Variants in TTLL9 observed in about 807,000 individuals in gnomAD.
TTLL9 encodes the protein probable tubulin polyglutamylase TTLL9.
In TTLL9, 47 loss-of-function variants were observed where a neutral mutation model predicts 65.6. The observed-to-expected ratio is 0.72, with a 90% CI of 0.57 to 0.91. The LOEUF (loss-of-function observed/expected upper bound fraction) is 0.91. TTLL9 is among the 40% of genes least tolerant of loss of function. TTLL9 has a pLI of 0.00. For synonymous variants in TTLL9, 179 were observed against 204.8 expected, an observed-to-expected ratio of 0.87 and a Z score of 1.07; for missense variants, 537 against 568.8, an observed-to-expected ratio of 0.94 and a Z score of 0.57.
intron 10 of TTLL9, among the ~76,000 whole-genome samples, chr20:31,930,824 A>G (rs1353188060): frequency 1.3e-5 from 2 of 151,962 alleles, no homozygotes; most frequent in African/African-American, 4.8e-5. Flanking sequence ...CTGCTACTTG[A>G]CCATTGGTCC....
intron 4 of TTLL9, among the ~76,000 whole-genome samples, chr20:31,905,274 C>T (rs1367154821): frequency 6.6e-6 from 1 of 152,010 alleles, no homozygotes; most frequent in Admixed American, 6.5e-5. Context: ...GGGGTTTCAC[C>T]ATGTTGGCCA....
intron 8 of TTLL9, 46 bp from the exon 9 acceptor site, chr20:31,924,963 A>G: frequency 1.2e-6 from 2 of 1,609,216 alleles, no homozygotes; most frequent in Non-Finnish European, 1.7e-6. Context: ...ACAATGTCTG[A>G]CGATCAATAT....
intron 11 of TTLL9, chr20:31,934,355 A>C (rs1234316889): frequency 3.8e-6 from 2 of 529,542 alleles, no homozygotes; most frequent in Non-Finnish European, 7.3e-6. Flanking sequence ...GTGCATACAC[A>C]GCCCTGAAAA....
chr20:31,915,822 G>T (rs984515598), intron 6 of TTLL9, among the ~76,000 whole-genome samples: 6 of 151,970 alleles, frequency 3.9e-5, no homozygotes, highest in Admixed American at 3.3e-4. Flanking sequence ...GTAAACACCT[G>T]GTAAGTATTG....
intron 8 of TTLL9, among the ~76,000 whole-genome samples, chr20:31,924,577 G>T (rs2123576439): frequency 7.2e-6 from 1 of 139,662 alleles, no homozygotes. Context: ...TTTATACCTT[G>T]TGCGTTTTTT....
intron 2 of TTLL9, among the ~76,000 whole-genome samples, chr20:31,880,674 G>C (rs1316991876): frequency 6.6e-6 from 1 of 151,842 alleles, no homozygotes; most frequent in Non-Finnish European, 1.5e-5. Flanking sequence ...TGTATTTTTA[G>C]TAGAGACAGG....
intron 8 of TTLL9, 141 bp from the exon 9 acceptor site, chr20:31,924,868 C>T (rs530794459): frequency 6.5e-5 from 59 of 910,996 alleles, no homozygotes; most frequent in African/African-American, 2.3e-4. Context: ...TGAGGCACCG[C>T]GCCTAGCCCC....
At chr20:31,921,875 T>C (rs1208242818) in intron 7 of TTLL9, among the ~76,000 whole-genome samples, 2 of 151,982 alleles carry the variant, frequency 1.3e-5, no homozygotes, top group African/African-American at 2.4e-5. Flanking sequence ...CTAATGTAAA[T>C]GACGAGTTAA....
At chr20:31,871,389 G>A (rs1263818483) in intron 2 of TTLL9, among the ~76,000 whole-genome samples, 194 bp downstream of exon 2, 1 of 152,196 alleles carries the variant, frequency 6.6e-6, no homozygotes, top group Non-Finnish European at 1.5e-5. Context: ...GTGTTTCTGA[G>A]GATGTTGAGG....
chr20:31,917,540 A>G (rs6087798), intron 6 of TTLL9, among the ~76,000 whole-genome samples: 88,489 of 152,042 alleles, frequency 0.58, 26,064 homozygotes, highest in Admixed American at 0.61. Flanking sequence ...TAGGTCCCTA[A>G]GAGAGGAATT....
At chr20:31,925,974 C>T in intron 9 of TTLL9, 75 bp from the exon 10 acceptor site, 2 of 1,593,846 alleles carry the variant, frequency 1.3e-6, no homozygotes, top group Non-Finnish European at 1.7e-6. Context: ...TCCTGGGATC[C>T]TGGCTAACCA....
Position 31,886,649 on chromosome 20 carries a change from A to G in TTLL9, c.70-547A>G, listed in dbSNP as rs57371784. On this transcript the variant is annotated intron_variant, in intron 2 of 14. Transcript: ENST00000535842. ...AGCCTGGCCAACATGGCGAAACCCC[A>G]TCTCTATTAAAAATACAAAATTGGC... Among the ~76,000 whole-genome samples, 745 of 152,260 alleles carry G rather than the reference A, an allele frequency of 4.9e-3. 6 individuals carry two copies. Among genetic ancestry groups the G allele is most frequent in the African/African-American group, 0.017 (713 of 41,540 alleles).
rs2062921902 is a variant in TTLL9 at position 31,871,109 on chromosome 20, T to C, written c.-5-13T>C. The C allele has an allele frequency of 2.5e-6, 4 of 1,613,486 alleles. No individual in the cohort carries two copies. Among genetic ancestry groups the C allele is most frequent in the Non-Finnish European group, 2.5e-6 (3 of 1,179,550 alleles). Reference sequence around the variant, plus strand: ...TCCTCTCACTCCTTCCTTCCATCCATTTCGGCCCCTAGGAGGGATGGTGCC... The same window carrying C: ...TCCTCTCACTCCTTCCTTCCATCCACTTCGGCCCCTAGGAGGGATGGTGCC... On this transcript the variant is annotated splice_polypyrimidine_tract_variant and intron_variant, in intron 1 of 14. Coordinates refer to ENST00000535842, the MANE Select transcript of TTLL9 (RefSeq NM_001008409.5).
chr20:31,923,831 C>G (rs529898834), intron 8 of TTLL9, among the ~76,000 whole-genome samples: 1 of 152,088 alleles, frequency 6.6e-6, no homozygotes, highest in African/African-American at 2.4e-5. Flanking sequence ...CTCTCTCCCC[C>G]ACAGTGACCC....
chr20:31,922,902 A>G, intron 7 of TTLL9, 61 bp from the exon 8 acceptor site: 1 of 1,373,378 alleles, frequency 7.3e-7, no homozygotes, highest in South Asian at 1.2e-5. Context: ...CTAACAGAAT[A>G]CCTAGTACAC....
At chr20:31,898,611 A>C in intron 4 of TTLL9, 46 bp downstream of exon 4, 1 of 1,560,506 alleles carries the variant, frequency 6.4e-7, no homozygotes, top group Non-Finnish European at 8.8e-7. Flanking sequence ...TTTGTCTCAC[A>C]GGTCCTTGTC....
chr20:31,908,128 TGAGGA>T (rs1276224888), intron 4 of TTLL9, among the ~76,000 whole-genome samples: 11 of 152,176 alleles, frequency 7.2e-5, no homozygotes, highest in African/African-American at 2.7e-4. Flanking sequence ...GGGGCTGCTC[TGAGGA>T]TTTAGTGAGT....
chr20:31,883,729 TAAAA>T (rs112268533), intron 2 of TTLL9, among the ~76,000 whole-genome samples: 11 of 146,522 alleles, frequency 7.5e-5, no homozygotes, highest in Non-Finnish European at 1.5e-4. Context: ...TTAAATAAGT[TAAAA>T]AAAAAAGCCT....
chr20:31,905,730 C>A (rs1286320320), intron 4 of TTLL9, among the ~76,000 whole-genome samples: 1 of 152,060 alleles, frequency 6.6e-6, no homozygotes, highest in Non-Finnish European at 1.5e-5. Flanking sequence ...CAATTTAAAT[C>A]TTTAGTTCTT....
Sources: allele counts gnomAD v4.1 joint callset (sites outside exome capture counted in the v4.1 genomes callset), GRCh38; gene constraint gnomAD v4.1.1; transcripts MANE v1.5; gene names NCBI Gene and HGNC (gene_info 2026-07-23, HGNC 2026-07-21).